Variants in FGGY observed in about 807,000 individuals in gnomAD.
FGGY encodes FGGY carbohydrate kinase domain-containing protein.
In FGGY, 72 loss-of-function variants were observed where a neutral mutation model predicts 71.3. The observed-to-expected ratio is 1.01, with a 90% confidence interval of 0.84 to 1.23. The LOEUF (loss-of-function observed/expected upper bound fraction) is 1.23, where lower values mean the gene tolerates loss of function less well. Ranked by LOEUF, FGGY falls within the 50% of genes most tolerant of loss-of-function variation. FGGY has a pLI of 0.00. For synonymous variants in FGGY, 251 were observed against 250.3 expected, an observed-to-expected ratio of 1.00 and a Z score of -0.02; for missense variants, 668 against 682.3, an observed-to-expected ratio of 0.98 and a Z score of 0.23.
At chr1:59,390,470 G>GT (rs2060565949) in intron 5 of FGGY, among the ~76,000 whole-genome samples, 1 of 152,168 alleles carries the variant, frequency 6.6e-6, no homozygotes, top group African/African-American at 2.4e-5. Flanking sequence ...CACAGTCCAT[G>GT]TAGCAGGAAG....
intron 5 of FGGY, 146 bp from the exon 6 acceptor site, chr1:59,456,815 T>C (rs1345465002): frequency 5.3e-6 from 3 of 567,316 alleles, no homozygotes; most frequent in African/African-American, 3.8e-5. Flanking sequence ...GGAGACTTTT[T>C]ACCTAAGCAG....
At chr1:59,342,904 G>A (rs1276381491) in intron 3 of FGGY, among the ~76,000 whole-genome samples, 1 of 152,188 alleles carries the variant, frequency 6.6e-6, no homozygotes, top group Non-Finnish European at 1.5e-5. Flanking sequence ...TGATAAAATA[G>A]TCTCATTTGC....
chr1:59,532,714 T>C (rs2095182611), intron 7 of FGGY, among the ~76,000 whole-genome samples: 1 of 152,098 alleles, frequency 6.6e-6, no homozygotes, highest in Non-Finnish European at 1.5e-5. Context: ...TCATACTTAA[T>C]GGTGAAATAT....
chr1:59,449,092 A>C (rs1405565378), intron 5 of FGGY, among the ~76,000 whole-genome samples: 1 of 152,210 alleles, frequency 6.6e-6, no homozygotes, highest in African/African-American at 2.4e-5. Context: ...AAAGGAGAAA[A>C]GATCTAATTT....
intron 9 of FGGY, among the ~76,000 whole-genome samples, chr1:59,615,242 T>C (rs2096738702): frequency 6.6e-6 from 1 of 152,094 alleles, no homozygotes; most frequent in East Asian, 1.9e-4. Context: ...CTACCTGACT[T>C]CAAACTATAC....
intron 1 of FGGY, among the ~76,000 whole-genome samples, chr1:59,298,592 T>C (rs891274468): frequency 1.2e-4 from 19 of 152,230 alleles, no homozygotes; most frequent in Non-Finnish European, 5.9e-5. Context: ...ACCTTTCACT[T>C]ATTAGTTTAA....
intron 4 of FGGY, among the ~76,000 whole-genome samples, chr1:59,369,343 G>T (rs1007258768): frequency 6.6e-6 from 1 of 152,228 alleles, no homozygotes; most frequent in African/African-American, 2.4e-5. Flanking sequence ...ACTGCAAGGC[G>T]GCAGCGAGGC....
At chr1:59,413,132 A>G (rs2063846508) in intron 5 of FGGY, among the ~76,000 whole-genome samples, 1 of 152,200 alleles carries the variant, frequency 6.6e-6, no homozygotes, top group African/African-American at 2.4e-5. Context: ...TCTCATCTAA[A>G]GCAGCTCTCC....
intron 5 of FGGY, among the ~76,000 whole-genome samples, chr1:59,398,068 C>T (rs2061530156): frequency 6.6e-6 from 1 of 152,078 alleles, no homozygotes; most frequent in Non-Finnish European, 1.5e-5. Context: ...GCTGCTTCTT[C>T]TGGTCTTAAT....
At chr1:59,667,002 A>G (rs1365724606) in intron 12 of FGGY, among the ~76,000 whole-genome samples, 1 of 152,232 alleles carries the variant, frequency 6.6e-6, no homozygotes, top group African/African-American at 2.4e-5. Context: ...AACTGTGTTG[A>G]CATTGTCAAC....
intron 8 of FGGY, among the ~76,000 whole-genome samples, chr1:59,566,948 A>G (rs961252202): frequency 3.2e-4 from 49 of 152,206 alleles, no homozygotes; most frequent in African/African-American, 1.2e-3. Flanking sequence ...GGGAGATAAC[A>G]GAAGGATATC....
intron 8 of FGGY, among the ~76,000 whole-genome samples, chr1:59,604,157 T>C (rs2096602046): frequency 6.6e-6 from 1 of 152,238 alleles, no homozygotes; most frequent in Admixed American, 6.5e-5. Flanking sequence ...GTCATCAATG[T>C]AGTATGATGA....
At chr1:59,403,672 C>T (rs1363645446) in intron 5 of FGGY, among the ~76,000 whole-genome samples, 1 of 152,186 alleles carries the variant, frequency 6.6e-6, no homozygotes, top group Non-Finnish European at 1.5e-5. Flanking sequence ...AAGCGTTGGG[C>T]ACGTGAGTCT....
chr1:59,712,841 CT>C (rs1157867148), intron 14 of FGGY, among the ~76,000 whole-genome samples: 7 of 151,244 alleles, frequency 4.6e-5, no homozygotes, highest in South Asian at 2.1e-4. Context: ...AGACATTTTC[CT>C]CATTGTCTTG....
chr1:59,484,655 A>G (rs1224676405), intron 6 of FGGY, among the ~76,000 whole-genome samples: 1 of 152,216 alleles, frequency 6.6e-6, no homozygotes, highest in Admixed American at 6.5e-5. Flanking sequence ...ATTTGGTAAT[A>G]AAAAGTACTC....
chr1:59,747,133 A>G (rs1241419987), intron 14 of FGGY, among the ~76,000 whole-genome samples: 1 of 152,184 alleles, frequency 6.6e-6, no homozygotes, highest in Non-Finnish European at 1.5e-5. Flanking sequence ...TCCAGTCAAC[A>G]ATAGATTATT....
intron 5 of FGGY, among the ~76,000 whole-genome samples, chr1:59,410,050 C>A (rs1338235190): frequency 6.6e-6 from 1 of 152,136 alleles, no homozygotes; most frequent in African/African-American, 2.4e-5. Context: ...ACTACACCAG[C>A]CGTCCTTATT....
At chr1:59,560,021 T>C (rs2095760715) in intron 8 of FGGY, among the ~76,000 whole-genome samples, 1 of 152,104 alleles carries the variant, frequency 6.6e-6, no homozygotes. Flanking sequence ...TTCCACAAAA[T>C]ATGGTATGGA....
intron 7 of FGGY, among the ~76,000 whole-genome samples, chr1:59,531,093 G>C (rs931215271): frequency 9.9e-5 from 15 of 152,180 alleles, no homozygotes; most frequent in Non-Finnish European, 1.9e-4. Context: ...TGAAGCAAGA[G>C]TGCACTGGAC....
Sources: gnomAD v4.1 joint callset for allele counts (sites outside exome capture counted in the v4.1 genomes callset) on GRCh38, gnomAD v4.1.1 for gene constraint, MANE v1.5 for transcripts, NCBI Gene and HGNC (gene_info 2026-07-23, HGNC 2026-07-21) for gene names.